Variants in MECOM observed in about 807,000 individuals in gnomAD.
The protein encoded by MECOM is histone-lysine N-methyltransferase MECOM.
In MECOM, 13 loss-of-function variants were observed where a neutral mutation model predicts 116.3. The observed-to-expected ratio is 0.11, with a 90% CI of 0.07 to 0.18. The LOEUF is 0.18. Among genes scored for constraint, MECOM ranks in the 10% least tolerant of loss-of-function variants. MECOM has a pLI of 1.00. For synonymous variants in MECOM, 528 were observed against 535.2 expected (o/e 0.99, Z 0.19); for missense variants, 1,299 against 1,509.0 (o/e 0.86, Z 2.31).
intron 1 of MECOM, among the ~76,000 whole-genome samples, chr3:169,651,315 T>G (rs527699595): frequency 1.3e-5 from 2 of 152,334 alleles, no homozygotes; most frequent in South Asian, 4.1e-4. Flanking sequence ...TGTATCATAT[T>G]TATTGACTTG....
At chr3:169,536,885 C>G (rs1049374319) in intron 1 of MECOM, among the ~76,000 whole-genome samples, 8 of 152,174 alleles carry the variant, frequency 5.3e-5, no homozygotes, top group African/African-American at 1.4e-4. Flanking sequence ...TTCAATCTCA[C>G]AATCCTAAAA....
chr3:169,346,294 T>C (rs1725334833), intron 2 of MECOM, among the ~76,000 whole-genome samples: 1 of 152,130 alleles, frequency 6.6e-6, no homozygotes, highest in Non-Finnish European at 1.5e-5. Flanking sequence ...CTGTTTTCAT[T>C]ATGAACTGCA....
chr3:169,634,680 G>A (rs1490431093), intron 1 of MECOM, among the ~76,000 whole-genome samples: 8 of 152,084 alleles, frequency 5.3e-5, no homozygotes, highest in Non-Finnish European at 8.8e-5. Context: ...TCAAATGTCT[G>A]CTTGGGGCCT....
At chr3:169,208,945 A>G (rs1040649581) in intron 2 of MECOM, among the ~76,000 whole-genome samples, 6 of 152,032 alleles carry the variant, frequency 3.9e-5, no homozygotes, top group African/African-American at 1.2e-4. Flanking sequence ...ACTTCAAACT[A>G]TACTACAAGG....
chr3:169,297,642 T>C (rs192074742), intron 2 of MECOM, among the ~76,000 whole-genome samples: 4 of 150,604 alleles, frequency 2.7e-5, no homozygotes, highest in Non-Finnish European at 2.9e-5. Flanking sequence ...TAAAAAAATA[T>C]TATTTTAAAA....
chr3:169,484,017 C>T (rs1751775918), intron 1 of MECOM: 1 of 1,568,688 alleles, frequency 6.4e-7, no homozygotes, highest in South Asian at 1.1e-5. Context: ...TTTTTTTTGC[C>T]CCCAAAACCA....
chr3:169,342,280 T>C (rs1030929123), intron 2 of MECOM, among the ~76,000 whole-genome samples: 3 of 152,010 alleles, frequency 2.0e-5, no homozygotes, highest in African/African-American at 7.2e-5. Flanking sequence ...TTTATTTATA[T>C]ATAAAATATC....
At chr3:169,478,035 G>A (rs980363817) in intron 1 of MECOM, among the ~76,000 whole-genome samples, 8 of 152,146 alleles carry the variant, frequency 5.3e-5, no homozygotes, top group African/African-American at 1.9e-4. Context: ...GGAGGTCAAC[G>A]GTGAACAAAT....
chr3:169,493,930 A>G (rs903503819), intron 1 of MECOM, among the ~76,000 whole-genome samples: 12 of 117,492 alleles, frequency 1.0e-4, no homozygotes, highest in Non-Finnish European at 2.5e-4. Context: ...TCAACCTGAC[A>G]GTAACGTGGT....
chr3:169,411,694 T>C (rs1195696974), intron 1 of MECOM, among the ~76,000 whole-genome samples: 1 of 152,226 alleles, frequency 6.6e-6, no homozygotes, highest in Non-Finnish European at 1.5e-5. Context: ...TAAATATTTA[T>C]GTTAAAGAAT....
chr3:169,566,767 A>G (rs538672045), intron 1 of MECOM, among the ~76,000 whole-genome samples: 2 of 152,316 alleles, frequency 1.3e-5, no homozygotes, highest in Admixed American at 6.5e-5. Flanking sequence ...TTGAACTTCT[A>G]CTTCCCCTCC....
chr3:169,482,583 C>T (rs1479855203), intron 1 of MECOM, among the ~76,000 whole-genome samples: 2 of 152,096 alleles, frequency 1.3e-5, no homozygotes, highest in African/African-American at 4.8e-5. Flanking sequence ...ATCCGCCCGC[C>T]TCGGCCTCCC....
At chr3:169,477,138 T>TATAC (rs1750604303) in intron 1 of MECOM, 1 of 91,598 alleles carries the variant, frequency 1.1e-5, no homozygotes, top group African/African-American at 5.2e-5. Context: ...TATATATATA[T>TATAC]ATATATATAT....
intron 2 of MECOM, among the ~76,000 whole-genome samples, chr3:169,202,901 T>C (rs1053629130): frequency 6.7e-6 from 1 of 149,952 alleles, no homozygotes; most frequent in Admixed American, 6.7e-5. Context: ...GGCAAGCAGA[T>C]GGATTTATTA....
intron 2 of MECOM, among the ~76,000 whole-genome samples, chr3:169,210,193 G>T (rs1327878951): frequency 6.6e-6 from 1 of 152,034 alleles, no homozygotes; most frequent in Non-Finnish European, 1.5e-5. Context: ...GAGTGGGGGT[G>T]AGGGGAGGGA....
chr3:169,272,286 T>C (rs181773753), intron 2 of MECOM, among the ~76,000 whole-genome samples: 1 of 151,710 alleles, frequency 6.6e-6, no homozygotes, highest in African/African-American at 2.4e-5. Context: ...TTCATGGGAG[T>C]CAAAGAGAAG....
intron 1 of MECOM, among the ~76,000 whole-genome samples, chr3:169,425,201 G>A (rs1029952590): frequency 6.6e-6 from 1 of 151,552 alleles, no homozygotes; most frequent in African/African-American, 2.4e-5. Context: ...GAGGACCTTG[G>A]AGCACTTTCA....
At chr3:169,435,912 CATT>C (rs1742554248) in intron 1 of MECOM, among the ~76,000 whole-genome samples, 1 of 152,226 alleles carries the variant, frequency 6.6e-6, no homozygotes, top group South Asian at 2.1e-4. Flanking sequence ...AAAACGGTAA[CATT>C]ATTAAGCACT....
intron 2 of MECOM, chr3:169,147,687 C>G (rs888284637): frequency 1.0e-6 from 1 of 984,406 alleles, no homozygotes; most frequent in Non-Finnish European, 1.2e-6. Context: ...AAATAGCCTC[C>G]GTTTCGATGT....
Sources: gnomAD v4.1 joint callset for allele counts (sites outside exome capture counted in the v4.1 genomes callset) on GRCh38, gnomAD v4.1.1 for gene constraint, MANE v1.5 for transcripts, NCBI Gene and HGNC (gene_info 2026-07-23, HGNC 2026-07-21) for gene names.